The following THSD7B variants were observed in gnomAD, a reference collection of about 807,000 sequenced individuals.
THSD7B encodes thrombospondin type 1 domain containing 7B.
In THSD7B, 138 loss-of-function variants were observed where a neutral mutation model predicts 213.6. The observed-to-expected ratio is 0.65, with a 90% CI of 0.56 to 0.74. THSD7B has a LOEUF of 0.74. Ranked by LOEUF, THSD7B falls within the 30% of genes least tolerant of loss-of-function variation. The pLI is 0.00. For synonymous variants in THSD7B, 742 were observed against 687.0 expected (o/e 1.08, Z -1.25); for missense variants, 1,931 against 1,991.5 (o/e 0.97, Z 0.58).
At chr2:137,466,224 G>C (rs1687987921) in intron 15 of THSD7B, among the ~76,000 whole-genome samples, 1 of 152,090 alleles carries the variant, frequency 6.6e-6, no homozygotes, top group Admixed American at 6.6e-5. Flanking sequence ...TAAATATTTT[G>C]GAAGACTTTA....
At chr2:137,197,538 A>G (rs563053355) in intron 7 of THSD7B, among the ~76,000 whole-genome samples, 1 of 152,262 alleles carries the variant, frequency 6.6e-6, no homozygotes, top group South Asian at 2.1e-4. Context: ...AAGATACCAT[A>G]CTTTAAAAAG....
At position 137,580,528 on chromosome 2, in the gene THSD7B, A is replaced by ATCT. The variant is rs1226089847; in HGVS notation, c.3423+7973_3423+7974insCTT. Among the ~76,000 whole-genome samples the ATCT allele has an allele frequency of 2.0e-5, 3 of 152,228 alleles. No individual in the cohort carries two copies. The East Asian group carries it at 5.8e-4, about 29-fold the overall frequency. ...TGACTTTTACCTATCCTTTCTTGAT[A>ATCT]TTCACATTATCTTTCCTAGACATAC... is the stretch of plus-strand genomic sequence containing the variant. On this transcript the variant is annotated intron_variant, in intron 17 of 27. Coordinates refer to ENST00000409968, the MANE Select transcript of THSD7B (RefSeq NM_001316349.2).
At chr2:136,977,197 T>G (rs961822343) in intron 2 of THSD7B, among the ~76,000 whole-genome samples, 1 of 152,162 alleles carries the variant, frequency 6.6e-6, no homozygotes, top group African/African-American at 2.4e-5. Context: ...AATGTGTATG[T>G]GCCCATTCTA....
At chr2:136,943,970 T>TGTTA (rs1184250054) in intron 2 of THSD7B, among the ~76,000 whole-genome samples, 3 of 152,230 alleles carry the variant, frequency 2.0e-5, no homozygotes, top group Non-Finnish European at 4.4e-5. Context: ...TTAATTGTGA[T>TGTTA]GTTAGGGTGT....
At chr2:137,544,272 CAAAAAATAATGAA>C (rs1286197755) in intron 15 of THSD7B, among the ~76,000 whole-genome samples, 18 of 151,414 alleles carry the variant, frequency 1.2e-4, no homozygotes, top group African/African-American at 4.1e-4. Flanking sequence ...TATTCAGCTA[CAAAAAATAATGAA>C]ATATGTGTTC....
chr2:137,572,115 C>G (rs1265809709), intron 16 of THSD7B, among the ~76,000 whole-genome samples: 1 of 152,190 alleles, frequency 6.6e-6, no homozygotes, highest in Admixed American at 6.6e-5. Flanking sequence ...TATTGCAGGT[C>G]TCTTGAAATA....
chr2:137,618,319 A>T, intron 18 of THSD7B, 73 bp from the exon 19 acceptor site: 5 of 1,189,422 alleles, frequency 4.2e-6, no homozygotes, highest in Non-Finnish European at 6.1e-6. Flanking sequence ...AAAGCAGATA[A>T]TCAAAGGTCT....
chr2:137,251,547 C>G (rs1682177830), intron 10 of THSD7B, among the ~76,000 whole-genome samples: 1 of 152,134 alleles, frequency 6.6e-6, no homozygotes, highest in African/African-American at 2.4e-5. Flanking sequence ...ATGCAATGCA[C>G]TGTCTGATAG....
chr2:137,337,466 A>G (rs1396623471), intron 12 of THSD7B, among the ~76,000 whole-genome samples: 1 of 152,130 alleles, frequency 6.6e-6, no homozygotes, highest in Non-Finnish European at 1.5e-5. Context: ...TGATATCAAC[A>G]TGTCTCATTA....
At chr2:136,826,034 G>T (rs1682642304) in intron 1 of THSD7B, among the ~76,000 whole-genome samples, 1 of 152,080 alleles carries the variant, frequency 6.6e-6, no homozygotes, top group South Asian at 2.1e-4. Context: ...TATGGGAGGG[G>T]CATTATTCTG....
chr2:137,605,643 T>G (rs902280830), intron 17 of THSD7B, among the ~76,000 whole-genome samples: 6 of 140,478 alleles, frequency 4.3e-5, no homozygotes. Flanking sequence ...TATTGGCACT[T>G]CGCACTTTTT....
At chr2:136,906,007 C>A (rs1353629921) in intron 2 of THSD7B, among the ~76,000 whole-genome samples, 1 of 152,212 alleles carries the variant, frequency 6.6e-6, no homozygotes, top group East Asian at 1.9e-4. Context: ...CAGGTTTCCC[C>A]TCAATAGTGA....
chr2:137,205,097 T>C (rs978872747), intron 7 of THSD7B, among the ~76,000 whole-genome samples: 2 of 152,084 alleles, frequency 1.3e-5, no homozygotes, highest in African/African-American at 4.8e-5. Context: ...GGCCAGATCC[T>C]ACCATAGCCA....
intron 6 of THSD7B, 72 bp from the exon 7 acceptor site, chr2:137,170,669 C>A: frequency 6.7e-7 from 1 of 1,485,800 alleles, no homozygotes; most frequent in Non-Finnish European, 9.1e-7. Context: ...TTTCATCTCT[C>A]ACCCAGCTGC....
chr2:136,876,252 A>ATT (rs1683524765), intron 1 of THSD7B, among the ~76,000 whole-genome samples: 1 of 152,214 alleles, frequency 6.6e-6, no homozygotes, highest in African/African-American at 2.4e-5. Flanking sequence ...TTGATCTATC[A>ATT]TTATATATAG....
intron 4 of THSD7B, among the ~76,000 whole-genome samples, chr2:137,102,358 A>G (rs934863122): frequency 1.7e-4 from 25 of 146,134 alleles, no homozygotes; most frequent in African/African-American, 6.4e-4. Flanking sequence ...CAAAAAGGAC[A>G]TCCACACAAA....
chr2:137,410,682 G>C (rs1686634419), intron 13 of THSD7B, among the ~76,000 whole-genome samples: 1 of 152,136 alleles, frequency 6.6e-6, no homozygotes, highest in South Asian at 2.1e-4. Context: ...TGAGAAAGTA[G>C]CCCATGCATC....
intron 17 of THSD7B, among the ~76,000 whole-genome samples, chr2:137,588,246 G>A (rs990773596): frequency 2.0e-5 from 3 of 152,156 alleles, no homozygotes; most frequent in African/African-American, 7.2e-5. Flanking sequence ...GATTCCCTTG[G>A]CTAGGAAAGG....
intron 7 of THSD7B, among the ~76,000 whole-genome samples, chr2:137,176,287 A>G (rs1029560381): frequency 2.6e-5 from 4 of 152,248 alleles, no homozygotes; most frequent in African/African-American, 7.2e-5. Flanking sequence ...CAACTTGGTT[A>G]AAATAAATAT....
Sources: allele counts gnomAD v4.1 joint callset (sites outside exome capture counted in the v4.1 genomes callset), GRCh38; gene constraint gnomAD v4.1.1; transcripts MANE v1.5; gene names NCBI Gene and HGNC (gene_info 2026-07-23, HGNC 2026-07-21).